TANC2: variants seen among roughly 807,000 people sequenced by gnomAD.
The protein encoded by TANC2 is tetratricopeptide repeat, ankyrin repeat and coiled-coil containing 2, also known as protein TANC2.
TANC2 carries 26 observed loss-of-function variants against 210.5 expected under a neutral mutation model. The ratio of observed to expected loss-of-function variants is 0.12; its 90% confidence interval spans 0.09 to 0.17. The LOEUF is 0.17. Among genes scored for constraint, TANC2 ranks in the 10% least tolerant of loss-of-function variants. TANC2 has a pLI of 1.00. For missense variants in TANC2, 2,129 were observed against 2,608.9 expected, an observed-to-expected ratio of 0.82 and a Z score of 4.01; for synonymous variants, 931 against 967.1, an observed-to-expected ratio of 0.96 and a Z score of 0.69.
intron 8 of TANC2, among the ~76,000 whole-genome samples, chr17:63,238,652 C>T (rs1441990852): frequency 1.3e-5 from 2 of 152,074 alleles, no homozygotes; most frequent in African/African-American, 2.4e-5. Flanking sequence ...CTAGCAAACT[C>T]GGTTAAAAAA....
chr17:63,014,793 C>T (rs2034032424), intron 2 of TANC2, among the ~76,000 whole-genome samples: 1 of 152,044 alleles, frequency 6.6e-6, no homozygotes, highest in Non-Finnish European at 1.5e-5. Context: ...TTAGTTATAT[C>T]AGTAATGATT....
intron 11 of TANC2, among the ~76,000 whole-genome samples, chr17:63,332,828 C>T (rs1314697810): frequency 2.6e-5 from 4 of 152,090 alleles, no homozygotes; most frequent in African/African-American, 7.2e-5. Context: ...TTTACCATTC[C>T]AAAAATTCTA....
At chr17:63,390,528 T>G (rs2047934253) in intron 17 of TANC2, 1 of 152,274 alleles carries the variant, frequency 6.6e-6, no homozygotes, top group South Asian at 2.1e-4. Flanking sequence ...AGTCTTGTTC[T>G]GTTGCCTAGG....
intron 9 of TANC2, among the ~76,000 whole-genome samples, chr17:63,305,108 G>A (rs375006059): frequency 6.6e-5 from 10 of 152,292 alleles, no homozygotes; most frequent in Middle Eastern, 3.4e-3. Context: ...CACCACCCCC[G>A]CTACCCCCAG....
At chr17:63,375,860 T>A (rs1186069410) in intron 14 of TANC2, among the ~76,000 whole-genome samples, 1 of 151,046 alleles carries the variant, frequency 6.6e-6, no homozygotes, top group African/African-American at 2.4e-5. Context: ...GAGGCTGAGG[T>A]GGCCAGATCA....
At chr17:63,071,223 G>A (rs576251750) in intron 2 of TANC2, among the ~76,000 whole-genome samples, 1 of 152,216 alleles carries the variant, frequency 6.6e-6, no homozygotes, top group Non-Finnish European at 1.5e-5. Flanking sequence ...ATGCATGATA[G>A]GGACTTTAGT....
At chr17:63,060,083 C>G (rs1158427719) in intron 2 of TANC2, among the ~76,000 whole-genome samples, 2 of 152,322 alleles carry the variant, frequency 1.3e-5, no homozygotes, top group African/African-American at 4.8e-5. Context: ...TAGCTCCTTT[C>G]TTCCACACTG....
chr17:63,092,963 G>C (rs149171180), intron 3 of TANC2, among the ~76,000 whole-genome samples: 2 of 152,266 alleles, frequency 1.3e-5, no homozygotes, highest in Admixed American at 1.3e-4. Flanking sequence ...CCTGAGTTAA[G>C]AGTTCTTACA....
intron 11 of TANC2, among the ~76,000 whole-genome samples, chr17:63,319,837 G>A (rs763288453): frequency 6.6e-6 from 1 of 152,052 alleles, no homozygotes; most frequent in African/African-American, 2.4e-5. Flanking sequence ...CTCAAAACCA[G>A]CAGTGCTCTT....
chr17:63,087,667 C>T lies in TANC2; in HGVS notation c.140-11508C>T, dbSNP rs180939587. Among the ~76,000 whole-genome samples the T allele has an allele frequency of 1.4e-4, 21 of 152,230 alleles. No individual in the cohort carries two copies. In the East Asian group the frequency reaches 4.1e-3, roughly 29 times the overall value. ...TACTGACTGAGAGTCTCATAGTGCT[C>T]CAGGAGATAAAACTCACAAAAGATT... is the stretch of plus-strand genomic sequence containing the variant. On this transcript the variant is annotated intron_variant, in intron 3 of 27. Coordinates refer to ENST00000689528, the Ensembl canonical transcript of TANC2.
chr17:63,103,426 C>T (rs2037706256), intron 4 of TANC2, among the ~76,000 whole-genome samples: 1 of 152,136 alleles, frequency 6.6e-6, no homozygotes, highest in Admixed American at 6.5e-5. Context: ...ATACACACCT[C>T]ACTCTATTCA....
At chr17:63,108,091 C>T (rs1412403209) in intron 4 of TANC2, among the ~76,000 whole-genome samples, 2 of 151,692 alleles carry the variant, frequency 1.3e-5, no homozygotes, top group Non-Finnish European at 2.9e-5. Context: ...AGACCTTGGC[C>T]ATGACCTTGA....
At chr17:63,122,314 A>G (rs529359332) in intron 4 of TANC2, among the ~76,000 whole-genome samples, 53 of 152,344 alleles carry the variant, frequency 3.5e-4, no homozygotes, top group Admixed American at 1.7e-3. Context: ...CATGTGGAAC[A>G]AGTAAGTGTT....
intron 9 of TANC2, among the ~76,000 whole-genome samples, chr17:63,272,291 C>G (rs1315693314): frequency 6.6e-6 from 1 of 151,992 alleles, no homozygotes. Context: ...TTTCCTGGTT[C>G]TCTATTATGT....
chr17:63,317,149 A>T (rs2045342218), intron 10 of TANC2, among the ~76,000 whole-genome samples: 1 of 152,050 alleles, frequency 6.6e-6, no homozygotes, highest in South Asian at 2.1e-4. Context: ...TCTCTGCATC[A>T]TCTGTCATTC....
At chr17:63,218,639 T>C (rs928158446) in intron 7 of TANC2, among the ~76,000 whole-genome samples, 7 of 152,200 alleles carry the variant, frequency 4.6e-5, no homozygotes, top group Non-Finnish European at 7.3e-5. Flanking sequence ...CTCACCCCTG[T>C]AATCCCAGTA....
chr17:63,025,801 T>A (rs1036485526), intron 2 of TANC2, among the ~76,000 whole-genome samples: 27 of 109,886 alleles, frequency 2.5e-4, no homozygotes, highest in African/African-American at 9.2e-4. Context: ...ATCTCAAAAA[T>A]AAAATAAAAT....
chr17:63,242,196 A>T (rs2042792604), intron 8 of TANC2, among the ~76,000 whole-genome samples: 1 of 152,130 alleles, frequency 6.6e-6, no homozygotes, highest in Non-Finnish European at 1.5e-5. Flanking sequence ...ACCCAAAAAA[A>T]TGCTAACTGT....
intron 14 of TANC2, among the ~76,000 whole-genome samples, chr17:63,357,477 T>C (rs1466478020): frequency 6.6e-6 from 1 of 152,246 alleles, no homozygotes; most frequent in East Asian, 1.9e-4. Context: ...TCCTGTATAA[T>C]CCGTTCCCTG....
Sources: gnomAD v4.1 joint callset for allele counts (sites outside exome capture counted in the v4.1 genomes callset) on GRCh38, gnomAD v4.1.1 for gene constraint, MANE v1.5 for transcripts, NCBI Gene and HGNC (gene_info 2026-07-23, HGNC 2026-07-21) for gene names.